The following BRD10 variants were observed in gnomAD, a reference collection of about 807,000 sequenced individuals.
The protein encoded by BRD10 is uncharacterized bromodomain-containing protein 10.
the BRD10 span, chr9:5,920,665 A>T: frequency 6.2e-7 from 1 of 1,614,050 alleles, no homozygotes; most frequent in East Asian, 2.2e-5. Context: ...GTCTTTTAGA[A>T]ATAGATACAG....
chr9:5,885,129 T>A, the BRD10 span, among the ~76,000 whole-genome samples: 1 of 152,294 alleles, frequency 6.6e-6, no homozygotes, highest in African/African-American at 2.4e-5. Flanking sequence ...ATGCCTCGAT[T>A]CTATTCCCTT....
chr9:5,904,754 C>T, the BRD10 span, among the ~76,000 whole-genome samples: 6 of 150,900 alleles, frequency 4.0e-5, no homozygotes, highest in South Asian at 2.1e-4. Context: ...CGTGAGCCAC[C>T]GCGCCCAGTC....
the BRD10 span, chr9:6,007,561 G>A: frequency 1.2e-6 from 2 of 1,612,632 alleles, no homozygotes; most frequent in Non-Finnish European, 1.7e-6. Flanking sequence ...TAGCTCGTAG[G>A]TCAGCTCCTG....
the BRD10 span, chr9:5,922,657 C>T: frequency 2.5e-6 from 4 of 1,613,932 alleles, no homozygotes; most frequent in South Asian, 1.1e-5. Flanking sequence ...CTTCTTTATG[C>T]TGAATCACAA....
the BRD10 span, chr9:5,898,328 G>A: frequency 1.3e-5 from 2 of 152,452 alleles, no homozygotes; most frequent in African/African-American, 2.4e-5. Flanking sequence ...CTACAAGTGT[G>A]AAACACTCCA....
the BRD10 span, chr9:5,920,022 C>A: frequency 6.2e-7 from 1 of 1,613,916 alleles, no homozygotes; most frequent in East Asian, 2.2e-5. Context: ...GGAACAGGAA[C>A]CTTAGCAGTT....
the BRD10 span, among the ~76,000 whole-genome samples, chr9:5,963,729 A>G: frequency 1.3e-5 from 2 of 152,180 alleles, no homozygotes; most frequent in South Asian, 4.1e-4. Context: ...GGAACAGAAC[A>G]GAGCCCTCAG....
the BRD10 span, among the ~76,000 whole-genome samples, chr9:6,005,013 T>C: frequency 6.6e-6 from 1 of 152,214 alleles, no homozygotes; most frequent in Non-Finnish European, 1.5e-5. Flanking sequence ...TAGCAAGAAT[T>C]TTACCTCTAC....
chr9:5,908,866 C>T, the BRD10 span: 2 of 613,808 alleles, frequency 3.3e-6, no homozygotes. Context: ...GGTCCGCTAG[C>T]AGTACTAATC....
chr9:5,923,227 C>G, the BRD10 span: 1 of 1,613,898 alleles, frequency 6.2e-7, no homozygotes. Context: ...GCAGTGTCTT[C>G]GGTAAGTCTT....
chr9:5,903,525 T>C, the BRD10 span, among the ~76,000 whole-genome samples: 100 of 152,340 alleles, frequency 6.6e-4, 1 homozygote, highest in African/African-American at 2.3e-3. Context: ...CCTCATACAA[T>C]GAGTTAGTCC....
At chr9:5,957,316 CAA>C in the BRD10 span, among the ~76,000 whole-genome samples, 1 of 152,144 alleles carries the variant, frequency 6.6e-6, no homozygotes, top group Non-Finnish European at 1.5e-5. Flanking sequence ...ATTCTAACTA[CAA>C]AGTCTAAGCT....
At chr9:5,932,747 A>G in the BRD10 span, among the ~76,000 whole-genome samples, 7 of 152,194 alleles carry the variant, frequency 4.6e-5, no homozygotes, top group Non-Finnish European at 1.0e-4. Context: ...CACTCTAAAT[A>G]CTAACGTCTA....
chr9:5,999,601 C>G, the BRD10 span, among the ~76,000 whole-genome samples: 1 of 152,108 alleles, frequency 6.6e-6, no homozygotes, highest in Non-Finnish European at 1.5e-5. Flanking sequence ...CCTCTGTGAT[C>G]TGGCTACATA....
chr9:5,922,640 G>A, the BRD10 span: 1 of 1,613,910 alleles, frequency 6.2e-7, no homozygotes, highest in Non-Finnish European at 8.5e-7. Flanking sequence ...TTTTGCAACT[G>A]CTTTTCCTTC....
chr9:6,005,363 T>G, the BRD10 span, among the ~76,000 whole-genome samples: 1 of 150,844 alleles, frequency 6.6e-6, no homozygotes, highest in African/African-American at 2.4e-5. Flanking sequence ...ATACGAAGAT[T>G]AGCCGGGCGC....
the BRD10 span, chr9:5,969,545 T>G: frequency 2.4e-5 from 17 of 699,014 alleles, no homozygotes; most frequent in Middle Eastern, 4.0e-4. Flanking sequence ...GTCCTAGTTT[T>G]ATTTATTTAT....
the BRD10 span, among the ~76,000 whole-genome samples, chr9:5,896,499 C>T: frequency 1.3e-5 from 2 of 152,132 alleles, no homozygotes; most frequent in African/African-American, 4.8e-5. Context: ...AGAAGTTGTC[C>T]AGTAGATGGT....
chr9:6,008,103 C>G, the BRD10 span: 60 of 984,344 alleles, frequency 6.1e-5, no homozygotes, highest in Non-Finnish European at 7.0e-5. Context: ...CCCGCCTGCT[C>G]TTCACCGGCC....
Sources: gnomAD v4.1 joint callset for allele counts (sites outside exome capture counted in the v4.1 genomes callset) on GRCh38, gnomAD v4.1.1 for gene constraint, MANE v1.5 for transcripts, NCBI Gene and HGNC (gene_info 2026-07-23, HGNC 2026-07-21) for gene names.